The following LYPD6 variants were observed in gnomAD, a reference collection of about 807,000 sequenced individuals.
LYPD6 encodes the protein ly6/PLAUR domain-containing protein 6.
LYPD6 carries 15 observed loss-of-function variants against 22.7 expected under a neutral mutation model. That is an observed-to-expected ratio of 0.66 (90% CI 0.44 to 1.02). LYPD6 has a LOEUF of 1.02. Among genes scored for constraint, LYPD6 ranks in the 50% least tolerant of loss-of-function variants. LYPD6 has a pLI of 0.00. For missense variants in LYPD6, 189 were observed against 208.4 expected, an observed-to-expected ratio of 0.91 and a Z score of 0.57; for synonymous variants, 72 against 77.5, an observed-to-expected ratio of 0.93 and a Z score of 0.37.
intron 1 of LYPD6, among the ~76,000 whole-genome samples, chr2:149,361,284 G>A (rs1681567624): frequency 6.6e-6 from 1 of 152,156 alleles, no homozygotes; most frequent in African/African-American, 2.4e-5. Flanking sequence ...ATTAATACAA[G>A]TCTCTAGTGA....
chr2:149,429,342 A>C (rs1683262842), intron 1 of LYPD6, among the ~76,000 whole-genome samples: 1 of 152,218 alleles, frequency 6.6e-6, no homozygotes, highest in Non-Finnish European at 1.5e-5. Context: ...GAATAAAAGT[A>C]AAAGAGAGGG....
chr2:149,403,872 C>T lies in LYPD6; in HGVS notation c.-71-33766C>T, dbSNP rs1466872586. Among the ~76,000 whole-genome samples, 9 of 152,232 alleles carry T rather than the reference C, an allele frequency of 5.9e-5. No individual in the cohort carries two copies. In the South Asian group the frequency reaches 1.2e-3, roughly 21 times the overall value. On this transcript the variant is annotated intron_variant, in intron 1 of 4. Coordinates refer to ENST00000334166, the MANE Select transcript of LYPD6 (RefSeq NM_194317.5). The stretch of plus-strand genomic sequence containing the variant: ...AGGGTTTTTATGGTTTTAGGTCTAA[C>T]GTTTAAGTCTCTAATCCATCTTGAA...
intron 1 of LYPD6, among the ~76,000 whole-genome samples, chr2:149,361,622 C>T (rs1162950547): frequency 6.6e-6 from 1 of 152,188 alleles, no homozygotes; most frequent in East Asian, 1.9e-4. Flanking sequence ...GTCTGATGTG[C>T]ATGAGAATTA....
intron 1 of LYPD6, among the ~76,000 whole-genome samples, chr2:149,403,594 G>C (rs1682616865): frequency 7.1e-6 from 1 of 141,470 alleles, no homozygotes; most frequent in Non-Finnish European, 1.5e-5. Context: ...TTTTTTTCTT[G>C]TAAATTTGTT....
rs1196665 is a variant in LYPD6 at position 149,472,398 on chromosome 2, T to G, written c.*1548T>G. 1 of 152,390 alleles carries G rather than the reference T, an allele frequency of 6.6e-6. No homozygotes were observed. Among genetic ancestry groups the G allele is most frequent in the East Asian group, 1.9e-4 (1 of 5,144 alleles). The allele number at this position is 152,390 out of a possible 1,614,324, so 9.4% of individuals were successfully genotyped here. On this transcript the variant is annotated 3_prime_UTR_variant, in exon 5 of 5. Coordinates refer to ENST00000334166, the MANE Select transcript of LYPD6 (RefSeq NM_194317.5). ...TAAGTTTGTGTGCAGGGTTTTCAGA[T>G]GTGTTTTTGTGAAACTTGGTAGAAC...
intron 1 of LYPD6, among the ~76,000 whole-genome samples, chr2:149,373,071 A>G (rs752952143): frequency 2.6e-5 from 4 of 152,142 alleles, no homozygotes; most frequent in Non-Finnish European, 5.9e-5. Flanking sequence ...AGCAGTGGCC[A>G]TGGCTGGGAG....
At chr2:149,359,083 C>A (rs748120573) in intron 1 of LYPD6, among the ~76,000 whole-genome samples, 1 of 152,128 alleles carries the variant, frequency 6.6e-6, no homozygotes, top group Admixed American at 6.5e-5. Flanking sequence ...TAAAAAAACT[C>A]ATTTGTTGTG....
chr2:149,436,981 A>C (rs1266318540), intron 1 of LYPD6, among the ~76,000 whole-genome samples: 2 of 152,362 alleles, frequency 1.3e-5, no homozygotes, highest in East Asian at 3.9e-4. Flanking sequence ...GGTTAGAGTC[A>C]GATCTGCTAC....
intron 1 of LYPD6, among the ~76,000 whole-genome samples, chr2:149,355,352 G>T (rs939574842): frequency 5.3e-5 from 8 of 152,300 alleles, no homozygotes; most frequent in African/African-American, 1.7e-4. Context: ...CTAATCAGCT[G>T]CATGAGACAT....
intron 1 of LYPD6, among the ~76,000 whole-genome samples, chr2:149,346,198 TA>T (rs1164261871): frequency 1.3e-5 from 2 of 152,206 alleles, no homozygotes; most frequent in Non-Finnish European, 2.9e-5. Context: ...AGTTAAAAAA[TA>T]TTTTTTTTTG....
chr2:149,477,343 C>A (rs1681461290), downstream of LYPD6, among the ~76,000 whole-genome samples: 1 of 152,062 alleles, frequency 6.6e-6, no homozygotes, highest in South Asian at 2.1e-4. Context: ...GAAAGGTCAG[C>A]CGGGCGTGGT....
At chr2:149,374,908 A>C (rs1681884943) in intron 1 of LYPD6, among the ~76,000 whole-genome samples, 1 of 152,216 alleles carries the variant, frequency 6.6e-6, no homozygotes, top group South Asian at 2.1e-4. Flanking sequence ...GATGACCAGG[A>C]AAGAAAGCAG....
intron 3 of LYPD6, among the ~76,000 whole-genome samples, chr2:149,457,761 T>A (rs535700431): frequency 1.3e-4 from 20 of 152,244 alleles, no homozygotes; most frequent in African/African-American, 4.8e-4. Flanking sequence ...CTGCTAAGTA[T>A]GACAAAAAAT....
At chr2:149,341,489 G>A (rs1182850113) in intron 1 of LYPD6, among the ~76,000 whole-genome samples, 3 of 152,212 alleles carry the variant, frequency 2.0e-5, no homozygotes, top group Middle Eastern at 6.8e-3. Flanking sequence ...TGAACATAAT[G>A]TTTTGCATAG....
downstream of LYPD6, among the ~76,000 whole-genome samples, chr2:149,476,194 C>T (rs1006939904): frequency 1.3e-5 from 2 of 152,064 alleles, no homozygotes; most frequent in African/African-American, 4.8e-5. Flanking sequence ...AATTTAGAGG[C>T]CTCCTCTCCC....
chr2:149,422,516 C>T (rs567164055), intron 1 of LYPD6, among the ~76,000 whole-genome samples: 4 of 152,270 alleles, frequency 2.6e-5, no homozygotes, highest in East Asian at 3.9e-4. Flanking sequence ...GTGGCTGCCA[C>T]ACCCATTTGA....
intron 3 of LYPD6, among the ~76,000 whole-genome samples, chr2:149,453,678 C>A (rs534861066): frequency 6.6e-6 from 1 of 152,306 alleles, no homozygotes; most frequent in African/African-American, 2.4e-5. Flanking sequence ...TAAATGTGAT[C>A]CTCAGCTCAA....
At chr2:149,388,381 A>T (rs1438475886) in intron 1 of LYPD6, among the ~76,000 whole-genome samples, 1 of 152,164 alleles carries the variant, frequency 6.6e-6, no homozygotes, top group East Asian at 1.9e-4. Context: ...ATAGAGTAGA[A>T]TGCAATTGGC....
chr2:149,384,997 G>C (rs1045611695), intron 1 of LYPD6, among the ~76,000 whole-genome samples: 3 of 150,286 alleles, frequency 2.0e-5, no homozygotes, highest in Non-Finnish European at 2.9e-5. Flanking sequence ...TTTTGTCCTT[G>C]CGATAGTTTA....
Sources: gnomAD v4.1 joint callset for allele counts (sites outside exome capture counted in the v4.1 genomes callset) on GRCh38, gnomAD v4.1.1 for gene constraint, MANE v1.5 for transcripts, NCBI Gene and HGNC (gene_info 2026-07-23, HGNC 2026-07-21) for gene names.